AKR1C2: variants seen among roughly 807,000 people sequenced by gnomAD.
The protein encoded by AKR1C2 is 3-alpha-HSD3.
A neutral mutation model predicts 39.8 loss-of-function variants in AKR1C2; 27 were observed. The ratio of observed to expected loss-of-function variants is 0.68; its 90% confidence interval spans 0.50 to 0.93. The LOEUF (loss-of-function observed/expected upper bound fraction) is 0.93, where lower values mean the gene tolerates loss of function less well. Ranked by LOEUF, AKR1C2 falls within the 40% of genes least tolerant of loss-of-function variation. The pLI, the probability that AKR1C2 is intolerant of heterozygous loss-of-function variation, is 0.00. For synonymous variants in AKR1C2, 114 were observed against 137.9 expected (o/e 0.83, Z 1.22); for missense variants, 263 against 365.1 (o/e 0.72, Z 2.28).
chr10:4,989,840 T>C lies in AKR1C2; in HGVS notation c.*156A>G, dbSNP rs1138759. On this transcript the variant is annotated 3_prime_UTR_variant, in exon 9 of 9. Transcript: ENST00000380753. ...ATGAAAAACAAAATTATTGTCTTTC[T>C]TTTCCGGCCGATGGGCTTAGCTGTA... is the stretch of plus-strand genomic sequence containing the variant. 1.8e-6 allele frequency: 2 copies of C among 1,123,208 alleles called. No homozygotes were observed. The highest frequency in any genetic ancestry group is 5.4e-5 in the East Asian group (2 of 37,198). The allele number at this position is 1,123,208 out of a possible 1,614,324, so 69.6% of individuals were successfully genotyped here.
chr10:5,009,633 T>C (rs1307432901), intron 1 of AKR1C2, among the ~76,000 whole-genome samples: 3 of 151,988 alleles, frequency 2.0e-5, no homozygotes, highest in Non-Finnish European at 2.9e-5. Context: ...CCTTTAAGCC[T>C]GGATACTCGT....
In AKR1C2 at chr10:5,002,048, T is replaced by C. The variant is rs1837289864; in HGVS notation, c.85-367A>G. On this transcript the variant is annotated intron_variant, in intron 1 of 8. Coordinates refer to ENST00000380753, the MANE Select transcript of AKR1C2 (RefSeq NM_001393392.1). ...CAAGGAAATAGCCACATGGAAGGAA[T>C]TATGAAGGAATGCAGTGTAAGCTCC... Among the ~76,000 whole-genome samples, 3 of 152,308 alleles carry C rather than the reference T, an allele frequency of 2.0e-5. No individual in the cohort carries two copies. The South Asian group carries it at 6.2e-4, about 32-fold the overall frequency.
At chr10:4,990,249 C>T (rs1277660682) in intron 8 of AKR1C2, among the ~76,000 whole-genome samples, 1 of 152,168 alleles carries the variant, frequency 6.6e-6, no homozygotes, top group African/African-American at 2.4e-5. Flanking sequence ...ATTCCCCTGC[C>T]TGGAACTTAA....
At position 5,010,164 on chromosome 10, in the gene AKR1C2, CTG is replaced by C. The variant is rs1344602278; in HGVS notation, c.-87-6244_-87-6243del. On this transcript the variant is annotated intron_variant, in intron 1 of 6. Transcript: ENST00000604507. ...GCAAAGCTGAAAGAGCTTTACAACA[CTG>C]TGGTTGCAGGCACCCACCACTAGAC... Among the ~76,000 whole-genome samples the C allele has an allele frequency of 2.0e-5, 3 of 147,982 alleles. No homozygotes were observed. In the East Asian group the frequency reaches 6.0e-4, roughly 30 times the overall value.
chr10:5,002,025 A>G (rs1265508384), intron 1 of AKR1C2, among the ~76,000 whole-genome samples: 4 of 152,260 alleles, frequency 2.6e-5, no homozygotes, highest in African/African-American at 9.6e-5. Flanking sequence ...AATTAACACA[A>G]GGAAATAGCC....
chr10:5,000,342 T>C (rs2131699385), intron 3 of AKR1C2: 1 of 1,536,444 alleles, frequency 6.5e-7, no homozygotes, highest in Non-Finnish European at 8.8e-7. Context: ...TTCTGCACTC[T>C]CTTTTCTTGT....
chr10:5,015,584 C>G (rs1554775299), intron 1 of AKR1C2, among the ~76,000 whole-genome samples: 1 of 152,158 alleles, frequency 6.6e-6, no homozygotes, highest in East Asian at 1.9e-4. Context: ...AATCCCACCC[C>G]CAGTGATTCA....
In AKR1C2 at chr10:5,014,327, G is replaced by C. The variant is rs12571988; in HGVS notation, c.-88+3573C>G. Among the ~76,000 whole-genome samples the C allele has an allele frequency of 7.4e-4, 113 of 152,234 alleles. 1 individual carries two copies. The East Asian group carries it at 0.012, about 16-fold the overall frequency. On this transcript the variant is annotated intron_variant, in intron 1 of 6. Transcript: ENST00000604507. ...TATTGTCCAGGCTGTCCTCTGCTAT[G>C]GTTACTGGGCTCGTTTTTAGCACAA...
intron 5 of AKR1C2, among the ~76,000 whole-genome samples, chr10:4,996,381 T>C (rs1837040323): frequency 6.6e-6 from 1 of 151,344 alleles, no homozygotes; most frequent in Non-Finnish European, 1.5e-5. Flanking sequence ...TAAATACTGA[T>C]AATTTTCACA....
intron 1 of AKR1C2, chr10:5,010,217 C>T (rs1179857877): frequency 1.3e-5 from 2 of 151,238 alleles, no homozygotes; most frequent in Non-Finnish European, 2.9e-5. Context: ...GAGCCCAAAG[C>T]GCTCGCCCTG....
rs1554771946 is a variant in AKR1C2, at chr10:4,989,978, C to T, written c.*18G>A. On this transcript the variant is annotated 3_prime_UTR_variant, in exon 9 of 9. Transcript: ENST00000380753. The stretch of plus-strand genomic sequence containing the variant: ...ACACGCAGGGCCTTCTGGCAGACCT[C>T]ATGCAATGCCCTCCATGTTAATATT... 1.9e-6 allele frequency: 3 copies of T among 1,606,526 alleles called. No individual in the cohort carries two copies. The African/African-American group carries it at 4.0e-5, about 22-fold the overall frequency.
At chr10:5,007,359 A>T, upstream of AKR1C2, 1 of 149,632 alleles carries the variant, frequency 6.7e-6, no homozygotes, top group East Asian at 2.0e-4. Flanking sequence ...TGTACACCAT[A>T]TATAAAGTTG....
At chr10:5,006,342 T>C (rs1337427404), upstream of AKR1C2, 3 of 152,176 alleles carry the variant, frequency 2.0e-5, no homozygotes, top group Non-Finnish European at 2.9e-5. Context: ...GAGATAATCT[T>C]TAAATAACAA....
In AKR1C2 at chr10:5,001,593, T is replaced by G; in HGVS notation, c.173A>C (p.Glu58Ala). The G allele has an allele frequency of 6.2e-7, 1 of 1,614,054 alleles. No homozygotes were observed. The highest frequency in any genetic ancestry group is 8.5e-7 in the Non-Finnish European group (1 of 1,179,904). ...TCGGATGGCCAGTCCAACCTGCTCCTCATTATTGTAAACATGTGCAGAATC... is the reference window on the plus strand; with the variant it reads ...TCGGATGGCCAGTCCAACCTGCTCCGCATTATTGTAAACATGTGCAGAATC... ...HIDSAHVYNN[E>A]EQVGLAIRSK... Residue 58 changes from glutamate (E) to alanine (A), a missense_variant, in exon 2 of 9, where the codon GAG becomes GCG. Around this residue, in one of 3 missense-constraint regions of AKR1C2, gnomAD observed 247 missense variants for 267.9 expected, o/e 0.92. Transcript: ENST00000380753.
rs190043424 is a variant in AKR1C2, at chr10:4,999,523, T to G, written c.370-246A>C. 1.8e-5 allele frequency: 11 copies of G among 619,736 alleles called. No homozygotes were observed. The Admixed American group carries it at 4.1e-4, about 23-fold the overall frequency. 38.4% of individuals were successfully genotyped at this position (619,736 alleles called of 1,614,324 possible). A position where few individuals can be genotyped will look rare whatever the true frequency, so the allele number is the denominator to read the frequency against. On this transcript the variant is annotated intron_variant, in intron 3 of 8. Transcript: ENST00000380753. ...ACCATCTTTCTGGTTCCTAATGGAG[T>G]GTCATCATTGACTTTCATTGACTTT...
rs113366712 is a variant in AKR1C2, at chr10:5,012,727, A to T, written c.-88+5173T>A. Among the ~76,000 whole-genome samples, 1,165 of 152,350 alleles carry T rather than the reference A, an allele frequency of 7.6e-3. 14 individuals are homozygous for T. The highest frequency in any genetic ancestry group is 0.027 in the African/African-American group (1,111 of 41,586). ...GTGAGAAAATTAATTATGGTGCTTC[A>T]GGCCACAACATTTGTGATAATTTTT... On this transcript the variant is annotated intron_variant, in intron 1 of 6. Coordinates refer to the AKR1C2 transcript ENST00000604507.
intron 5 of AKR1C2, among the ~76,000 whole-genome samples, chr10:4,996,346 G>T (rs1194818793): frequency 6.6e-6 from 1 of 151,210 alleles, no homozygotes; most frequent in Non-Finnish European, 1.5e-5. Context: ...CTATATAGAT[G>T]AACTAGAAAA....
upstream of AKR1C2, among the ~76,000 whole-genome samples, chr10:5,008,229 C>T (rs11252882): frequency 0.35 from 45,730 of 129,426 alleles, 9,890 homozygotes; most frequent in Non-Finnish European, 0.45. Flanking sequence ...TATTAGTGCT[C>T]AACATTGCCT....
Sources: gnomAD v4.1 joint callset for allele counts (sites outside exome capture counted in the v4.1 genomes callset) on GRCh38, gnomAD v4.1.1 for gene constraint, gnomAD v4.1.1 regional missense constraint, MANE v1.5 for transcripts, NCBI Gene and HGNC (gene_info 2026-07-23, HGNC 2026-07-21) for gene names.